Variants in ARHGEF11 observed in about 807,000 individuals in gnomAD.
ARHGEF11 encodes the protein Rho guanine nucleotide exchange factor 11.
ARHGEF11 carries 55 observed loss-of-function variants against 193.7 expected under a neutral mutation model. The observed-to-expected ratio is 0.28, with a 90% CI of 0.23 to 0.36. The LOEUF (loss-of-function observed/expected upper bound fraction) is 0.36, where lower values mean the gene tolerates loss of function less well. Ranked by LOEUF, ARHGEF11 falls within the 10% of genes least tolerant of loss-of-function variation. ARHGEF11 has a pLI of 1.00. For synonymous variants in ARHGEF11, 693 were observed against 768.0 expected (o/e 0.90, Z 1.62); for missense variants, 1,723 against 2,005.6 (o/e 0.86, Z 2.69).
chr1:156,959,943 C>CCCCCCA (rs1553204878), intron 15 of ARHGEF11, among the ~76,000 whole-genome samples: 5 of 97,184 alleles, frequency 5.1e-5, no homozygotes, highest in African/African-American at 1.2e-4. Context: ...CCCCCCCCCC[C>CCCCCCA]AAAAAAAACA....
chr1:156,954,199 G>A (rs1392608676), intron 21 of ARHGEF11, among the ~76,000 whole-genome samples: 1 of 151,960 alleles, frequency 6.6e-6, no homozygotes. Context: ...GGCCAATATG[G>A]TGAAACCCCA....
intron 1 of ARHGEF11, among the ~76,000 whole-genome samples, chr1:157,042,678 C>A (rs937381070): frequency 1.3e-5 from 2 of 152,188 alleles, no homozygotes; most frequent in African/African-American, 4.8e-5. Flanking sequence ...AGATTTTTAT[C>A]TATGAGGATA....
intron 11 of ARHGEF11, among the ~76,000 whole-genome samples, chr1:156,967,725 T>C (rs1661891353): frequency 1.3e-5 from 2 of 152,234 alleles, no homozygotes; most frequent in African/African-American, 2.4e-5. Context: ...AGACCAGCTA[T>C]CCGCTCCTTA....
intron 22 of ARHGEF11, 120 bp downstream of exon 22, chr1:156,951,453 G>A: frequency 7.2e-7 from 1 of 1,397,796 alleles, no homozygotes. Flanking sequence ...AGGAAGTTCT[G>A]TAAAGGGAGC....
intron 1 of ARHGEF11, among the ~76,000 whole-genome samples, chr1:156,993,960 C>T (rs924981943): frequency 2.0e-5 from 3 of 152,162 alleles, no homozygotes; most frequent in Non-Finnish European, 2.9e-5. Flanking sequence ...TCACTTGAGG[C>T]CCCACCCTTA....
At position 156,937,400 on chromosome 1, in the gene ARHGEF11, G is replaced by C; in HGVS notation, c.4289C>G (p.Pro1430Arg). 6.3e-7 allele frequency: 1 copy of C among 1,598,698 alleles called. No homozygotes were observed. The highest frequency in any genetic ancestry group is 8.5e-7 in the Non-Finnish European group (1 of 1,172,696). The change falls in exon 39 of 41, where the codon CCT becomes CGT. Residue 1430 changes from proline to arginine, a missense_variant. By Grantham distance (103) the Pro-to-Arg change is moderately radical. Around this residue, in one of 5 missense-constraint regions of ARHGEF11, gnomAD observed 360 missense variants for 344.4 expected, o/e 1.05. Coordinates refer to ENST00000368194, the MANE Select transcript of ARHGEF11 (RefSeq NM_198236.3). ...AGGCTGAGGCTCTGTCTGCCCTGCA[G>C]GGAGGCTGTCAGGCTGAGGGGGGCT... The part of the protein sequence containing the change: ...PMSPPQPDSL[P>R]AGQTEPQPQL...
rs780630478 is a variant in ARHGEF11, at chr1:156,947,891, T to G, written c.2219A>C (p.Asp740Ala). The G allele has an allele frequency of 1.2e-6, 2 of 1,614,132 alleles. No homozygotes were observed. The highest frequency in any genetic ancestry group is 4.5e-5 in the East Asian group (2 of 44,870). Residue 740 changes from aspartate (D) to alanine (A), a missense_variant, in exon 25 of 41, where the codon GAT becomes GCT. By Grantham distance (126) the Asp-to-Ala change is moderately radical (BLOSUM62 -2). This residue lies in a region of ARHGEF11 where 491 missense variants were observed against 654.5 expected (regional missense o/e 0.75). Transcript: ENST00000368194. The part of the protein sequence containing the change: ...DTLLPHLLED[D>A]LGQLSDLEPE... ...CTCCAGGTCAGACAGCTGGCCCAGA[T>G]CATCCTCTAGGAGGTGGGGAAGGAG...
At chr1:156,984,516 G>A in intron 2 of ARHGEF11, 79 bp from the exon 3 acceptor site, 1 of 959,180 alleles carries the variant, frequency 1.0e-6, no homozygotes, top group Admixed American at 2.3e-5. Context: ...ACCCAGGGAA[G>A]CCCCAGTGCC....
chr1:157,006,982 T>C (rs1300764818), intron 1 of ARHGEF11, among the ~76,000 whole-genome samples: 1 of 152,054 alleles, frequency 6.6e-6, no homozygotes, highest in Non-Finnish European at 1.5e-5. Flanking sequence ...ATCTCTCCCC[T>C]CAAGGGTTCT....
Position 156,984,375 on chromosome 1 carries a change from C to T in ARHGEF11, c.187G>A (p.Gly63Arg), listed in dbSNP as rs768106536. 3.1e-6 allele frequency: 5 copies of T among 1,598,424 alleles called. No homozygotes were observed. The Admixed American group carries it at 6.9e-5, about 22-fold the overall frequency. The part of the protein sequence containing the change: ...DQHGFGFTVS[G>R]DRIVLVQSVR... ...GACTGCACCAGAACAATGCGATCCC[C>T]ACTGACTGTGAAGCCGAAGCCATGC... is the stretch of plus-strand genomic sequence containing the variant. Residue 63 changes from glycine (G) to arginine (R), a missense_variant, in exon 3 of 41, where the codon GGG becomes AGG. By Grantham distance (125) the Gly-to-Arg change is moderately radical. Transcript: ENST00000368194.
chr1:156,944,962 C>G, intron 30 of ARHGEF11, 57 bp downstream of exon 30: 1 of 1,582,538 alleles, frequency 6.3e-7, no homozygotes, highest in Non-Finnish European at 8.6e-7. Flanking sequence ...CAGTGTTCTG[C>G]TCCTAAGGGT....
At chr1:156,961,487 A>C (rs2102169174) in intron 14 of ARHGEF11, among the ~76,000 whole-genome samples, 190 bp downstream of exon 14, 1 of 152,314 alleles carries the variant, frequency 6.6e-6, no homozygotes, top group East Asian at 1.9e-4. Context: ...CTATATGTGG[A>C]ACAACAGAGG....
rs1419308773 is a variant in ARHGEF11 at position 156,944,566 on chromosome 1, T to G, written c.2992-133A>C. On this transcript the variant is annotated intron_variant, in intron 30 of 40. Coordinates refer to ENST00000368194, the MANE Select transcript of ARHGEF11 (RefSeq NM_198236.3). ...TAAGAAAAAGTCCTTGCCCTTACTC[T>G]CTTGTGCGGGATGAAGACAAGCAAA... is the stretch of plus-strand genomic sequence containing the variant. 1.7e-5 allele frequency: 16 copies of G among 914,858 alleles called. No homozygotes were observed. The East Asian group carries it at 4.0e-4, about 23-fold the overall frequency. 56.7% of individuals were successfully genotyped at this position (914,858 alleles called of 1,614,324 possible).
chr1:156,986,047 G>A, intron 2 of ARHGEF11, 35 bp downstream of exon 2: 2 of 1,561,190 alleles, frequency 1.3e-6, no homozygotes, highest in East Asian at 2.2e-5. Flanking sequence ...CACCATGCCT[G>A]GCTGTTTTTG....
chr1:156,988,654 T>C (rs1412067489), intron 1 of ARHGEF11, among the ~76,000 whole-genome samples: 2 of 152,332 alleles, frequency 1.3e-5, no homozygotes, highest in East Asian at 1.9e-4. Context: ...AAAAGGTCCA[T>C]GTCCCTGCTG....
rs532511886 is a variant in ARHGEF11 at position 156,946,767 on chromosome 1, C to G, written c.2589G>C (p.Glu863Asp). The G allele has an allele frequency of 2.5e-6, 4 of 1,614,198 alleles. No individual in the cohort carries two copies. The South Asian group carries it at 3.3e-5, about 13-fold the overall frequency. ...MLARFDGPAREELQQVAAQFC... is the reference protein window; with the variant it reads ...MLARFDGPARDELQQVAAQFC... ...ACTGTGCAGCCACTTGCTGGAGTTC[C>G]TCTCGGGCAGGGCCATCAAACTGAA... The change falls in exon 28 of 41, where the codon GAG becomes GAC. Residue 863 changes from glutamate (E) to aspartate (D), a missense_variant. Glu to Asp is a conservative substitution (Grantham distance 45). This residue lies in a region of ARHGEF11 where 491 missense variants were observed against 654.5 expected (regional missense o/e 0.75). Transcript: ENST00000368194.
chr1:156,995,863 T>A (rs1048783483), intron 1 of ARHGEF11, among the ~76,000 whole-genome samples: 1 of 152,272 alleles, frequency 6.6e-6, no homozygotes, highest in South Asian at 2.1e-4. Flanking sequence ...CTTTTTAAAA[T>A]GTCTGCTCTT....
chr1:156,962,147 G>A (rs1394486980), intron 13 of ARHGEF11, among the ~76,000 whole-genome samples: 4 of 152,110 alleles, frequency 2.6e-5, no homozygotes, highest in South Asian at 2.1e-4. Flanking sequence ...GCTGGTTTAC[G>A]TCTTGTTTCC....
In ARHGEF11 at chr1:157,044,372, G is replaced by A. The variant is rs1001344403; in HGVS notation, c.-42C>T. On this transcript the variant is annotated 5_prime_UTR_variant, in exon 1 of 41. Coordinates refer to ENST00000368194, the MANE Select transcript of ARHGEF11 (RefSeq NM_198236.3). ...CACGGTTCCAGAATCCTGTAGCTTT[G>A]GTGTCTTGATCAGGATTGAATCGCT... 5.0e-6 allele frequency: 8 copies of A among 1,608,326 alleles called. No homozygotes were observed. In the African/African-American group the frequency reaches 1.1e-4, roughly 22 times the overall value.
Sources: allele counts gnomAD v4.1 joint callset (sites outside exome capture counted in the v4.1 genomes callset), GRCh38; gene constraint gnomAD v4.1.1; regional missense constraint gnomAD v4.1.1; transcripts MANE v1.5; gene names NCBI Gene and HGNC (gene_info 2026-07-23, HGNC 2026-07-21).